ADAMTSL1: variants seen among roughly 807,000 people sequenced by gnomAD.
The protein encoded by ADAMTSL1 is ADAMTS like 1, also known as ADAMTS-like protein 1.
ADAMTSL1 carries 126 observed loss-of-function variants against 201.8 expected under a neutral mutation model. The ratio of observed to expected loss-of-function variants is 0.62; its 90% CI spans 0.54 to 0.72. The LOEUF is 0.72. ADAMTSL1 is among the 30% of genes least tolerant of loss of function. The pLI is 0.00. For missense variants in ADAMTSL1, 2,679 were observed against 2,277.8 expected, an observed-to-expected ratio of 1.18 and a Z score of -3.59; for synonymous variants, 1,121 against 903.4, an observed-to-expected ratio of 1.24 and a Z score of -4.32.
chr9:18,890,139 T>C (rs1484623315), intron 25 of ADAMTSL1, among the ~76,000 whole-genome samples: 2 of 152,216 alleles, frequency 1.3e-5, no homozygotes, highest in African/African-American at 4.8e-5. Flanking sequence ...CAACGATTAC[T>C]GGGTTCTGCC....
intron 1 of ADAMTSL1, among the ~76,000 whole-genome samples, chr9:18,137,167 G>C (rs891027380): frequency 1.3e-5 from 2 of 152,164 alleles, no homozygotes; most frequent in Admixed American, 1.3e-4. Flanking sequence ...CCAGGTTTCT[G>C]AGGGAAAATC....
chr9:18,628,251 T>C (rs1217838087), intron 5 of ADAMTSL1, among the ~76,000 whole-genome samples: 1 of 152,246 alleles, frequency 6.6e-6, no homozygotes, highest in Non-Finnish European at 1.5e-5. Context: ...CTATTTTCAG[T>C]TATTTTTTGT....
chr9:18,762,724 G>A (rs1371291374), intron 16 of ADAMTSL1, among the ~76,000 whole-genome samples: 1 of 151,774 alleles, frequency 6.6e-6, no homozygotes, highest in East Asian at 1.9e-4. Context: ...TGATTTTTAG[G>A]TCCTGCAAAT....
chr9:18,079,719 A>AAAT (rs1442538592), intron 1 of ADAMTSL1, among the ~76,000 whole-genome samples: 1 of 149,674 alleles, frequency 6.7e-6, no homozygotes, highest in African/African-American at 2.5e-5. Flanking sequence ...ATAAATAAAT[A>AAAT]AATAAATAAA....
rs79572721 is a variant in ADAMTSL1 at position 17,968,663 on chromosome 9, T to C, written c.87+61741T>C. The stretch of plus-strand genomic sequence containing the variant: ...TGGTGCTAGTTTGATTTCATCTGTT[T>C]CCAGGTCTTACAGAATTTAGTGTAA... On this transcript the variant is annotated intron_variant, in intron 1 of 29. Coordinates refer to the ADAMTSL1 transcript ENST00000680146. Among the ~76,000 whole-genome samples the C allele has an allele frequency of 1.1e-4, 17 of 152,250 alleles. No homozygotes were observed. The East Asian group carries it at 3.3e-3, about 30-fold the overall frequency.
chr9:18,505,070 A>C (rs898530669), intron 2 of ADAMTSL1, 114 bp downstream of exon 2: 2 of 1,325,556 alleles, frequency 1.5e-6, no homozygotes, highest in African/African-American at 3.0e-5. Flanking sequence ...TCCAGATAAA[A>C]GAAAAGAATT....
chr9:18,085,473 A>ATGTGTGTGCATATATATATATATATATAC (rs1563990643), intron 1 of ADAMTSL1, among the ~76,000 whole-genome samples: 22 of 54,240 alleles, frequency 4.1e-4, no homozygotes, highest in Non-Finnish European at 7.4e-5. Context: ...AAATACACAT[A>ATGTGTGTGCATATATATATATATATATAC]TGTGTGTGCA....
At chr9:18,444,631 C>G (rs1428370043) in intron 2 of ADAMTSL1, among the ~76,000 whole-genome samples, 3 of 152,124 alleles carry the variant, frequency 2.0e-5, no homozygotes, top group African/African-American at 7.2e-5. Context: ...GAATATTCTA[C>G]TCCTTGAGAA....
At chr9:18,661,189 A>G (rs552739401) in intron 8 of ADAMTSL1, among the ~76,000 whole-genome samples, 1 of 152,314 alleles carries the variant, frequency 6.6e-6, no homozygotes, top group East Asian at 1.9e-4. Context: ...TTACTCAACA[A>G]TACTTTTTTT....
chr9:17,922,046 G>GT (rs1826322776), intron 1 of ADAMTSL1, among the ~76,000 whole-genome samples: 1 of 148,920 alleles, frequency 6.7e-6, no homozygotes, highest in South Asian at 2.1e-4. Flanking sequence ...ATCATGTGTG[G>GT]TATTAAAAAT....
At chr9:18,784,373 A>C (rs1821579512) in intron 19 of ADAMTSL1, among the ~76,000 whole-genome samples, 1 of 152,218 alleles carries the variant, frequency 6.6e-6, no homozygotes, top group Admixed American at 6.5e-5. Flanking sequence ...GACACTCAAC[A>C]AATAAAAAAC....
rs762891943 is a variant in ADAMTSL1, at chr9:18,905,830, GTCT to G, written c.4904_4906del (p.Phe1635del). 6.2e-7 allele frequency: 1 copy of G among 1,613,742 alleles called. No homozygotes were observed. The highest frequency in any genetic ancestry group is 8.5e-7 in the Non-Finnish European group (1 of 1,179,822). On this transcript the variant is annotated inframe_deletion, in exon 27 of 29. Coordinates refer to ENST00000380548, the MANE Select transcript of ADAMTSL1 (RefSeq NM_001040272.6). ...TCACCTAGCTGTGCAACACAGACAA[GTCT>G]TCTGCCAGACACGGGATGGCATCAC...
intron 1 of ADAMTSL1, among the ~76,000 whole-genome samples, chr9:17,907,416 G>A (rs2131258604): frequency 6.6e-6 from 1 of 152,306 alleles, no homozygotes; most frequent in Middle Eastern, 3.4e-3. Flanking sequence ...AGGGCCGCCC[G>A]CAGCCGAGTG....
At chr9:18,048,336 CA>C (rs1311952761) in intron 1 of ADAMTSL1, among the ~76,000 whole-genome samples, 1 of 151,956 alleles carries the variant, frequency 6.6e-6, no homozygotes, top group Non-Finnish European at 1.5e-5. Context: ...AGAAATTTAA[CA>C]AAAAACAGGT....
chr9:18,362,693 G>A (rs1276835648), intron 2 of ADAMTSL1, among the ~76,000 whole-genome samples: 1 of 152,134 alleles, frequency 6.6e-6, no homozygotes, highest in Admixed American at 6.5e-5. Flanking sequence ...GTCTGTGAGA[G>A]GTGCTAATTG....
At chr9:18,356,553 G>T (rs1836242576) in intron 2 of ADAMTSL1, among the ~76,000 whole-genome samples, 1 of 130,006 alleles carries the variant, frequency 7.7e-6, no homozygotes, top group African/African-American at 2.9e-5. Context: ...AAAAAAAAAG[G>T]CTATCATCTG....
intron 2 of ADAMTSL1, among the ~76,000 whole-genome samples, chr9:18,513,936 A>G (rs914203428): frequency 6.6e-6 from 1 of 152,222 alleles, no homozygotes; most frequent in Non-Finnish European, 1.5e-5. Flanking sequence ...TGATGCCTTC[A>G]GCTTTGTTCT....
At chr9:18,837,701 A>G (rs2131298959) in intron 23 of ADAMTSL1, among the ~76,000 whole-genome samples, 1 of 152,346 alleles carries the variant, frequency 6.6e-6, no homozygotes, top group South Asian at 2.1e-4. Flanking sequence ...ACAGAGCCAC[A>G]CCCATTAATT....
intron 2 of ADAMTSL1, among the ~76,000 whole-genome samples, chr9:18,172,079 G>A (rs1046182293): frequency 4.4e-5 from 6 of 135,914 alleles, no homozygotes; most frequent in African/African-American, 1.6e-4. Context: ...GCTGAACAAC[G>A]AGAACACATG....
Sources: allele counts gnomAD v4.1 joint callset (sites outside exome capture counted in the v4.1 genomes callset), GRCh38; gene constraint gnomAD v4.1.1; transcripts MANE v1.5; gene names NCBI Gene and HGNC (gene_info 2026-07-23, HGNC 2026-07-21).